Variants in ARID1B observed in about 807,000 individuals in gnomAD.
ARID1B encodes the protein AT-rich interactive domain-containing protein 1B.
Under a neutral mutation model 212.3 loss-of-function variants are expected in ARID1B, and 30 were observed. The ratio of observed to expected loss-of-function variants is 0.14; its 90% CI spans 0.11 to 0.19. ARID1B has a LOEUF of 0.19. ARID1B is among the 10% of genes least tolerant of loss of function. The pLI, the probability that ARID1B is intolerant of heterozygous loss-of-function variation, is 1.00. For synonymous variants in ARID1B, 1,402 were observed against 1,301.7 expected (o/e 1.08, Z -1.66); for missense variants, 2,891 against 3,204.0 (o/e 0.90, Z 2.36).
intron 4 of ARID1B, among the ~76,000 whole-genome samples, chr6:156,996,331 A>G (rs1263214170): frequency 6.6e-6 from 1 of 152,204 alleles, no homozygotes; most frequent in African/African-American, 2.4e-5. Context: ...GGGCAACCAG[A>G]TGGGACGGAG....
chr6:157,076,865 C>A (rs1784346657), intron 4 of ARID1B, among the ~76,000 whole-genome samples: 1 of 152,224 alleles, frequency 6.6e-6, no homozygotes, highest in African/African-American at 2.4e-5. Context: ...TCTCTCTCTT[C>A]CTCAGTGGTA....
chr6:156,908,369 T>C (rs1207510281), intron 3 of ARID1B, among the ~76,000 whole-genome samples: 1 of 152,240 alleles, frequency 6.6e-6, no homozygotes, highest in African/African-American at 2.4e-5. Context: ...TTTATTACTT[T>C]AATCTCTGTA....
intron 1 of ARID1B, among the ~76,000 whole-genome samples, chr6:156,809,691 G>T: frequency 7.4e-6 from 1 of 136,014 alleles, no homozygotes; most frequent in South Asian, 2.6e-4. Flanking sequence ...TCAAGAGCAT[G>T]TGAAGATTTG....
intron 4 of ARID1B, among the ~76,000 whole-genome samples, chr6:156,951,751 A>C (rs1793606785): frequency 6.6e-6 from 1 of 152,136 alleles, no homozygotes; most frequent in African/African-American, 2.4e-5. Flanking sequence ...CCAACACTTC[A>C]TTTCTTAAGA....
Position 157,190,015 on chromosome 6 carries a change from T to C in ARID1B, c.4059-23T>C, listed in dbSNP as rs753854803. On this transcript the variant is annotated intron_variant, in intron 14 of 19. Transcript: ENST00000636930. The surrounding 1 kb of genome is among the most constrained non-coding windows in gnomAD (Gnocchi z 4.6). ...GGTAACTCCTGCTGTATCATTAAGC[T>C]TTCATTCTTTGCCTCTCTTCAGAAG... The C allele has an allele frequency of 6.2e-7, 1 of 1,611,686 alleles. No individual in the cohort carries two copies. Among genetic ancestry groups the C allele is most frequent in the Non-Finnish European group, 8.5e-7 (1 of 1,178,716 alleles).
Position 157,167,993 on chromosome 6 carries a change from T to A in ARID1B, c.3235+808T>A, listed in dbSNP as rs1791449851. On this transcript the variant is annotated intron_variant, in intron 9 of 19. Transcript: ENST00000636930. Reference sequence around the variant, plus strand: ...TGGATCTCACGGGAGGATTCCCTCCTTCAGAGACTGCAGGGCGTGGCTTAG... The same window carrying A: ...TGGATCTCACGGGAGGATTCCCTCCATCAGAGACTGCAGGGCGTGGCTTAG... 4 of 152,388 alleles carry A rather than the reference T, an allele frequency of 2.6e-5. No individual in the cohort carries two copies. The South Asian group carries it at 8.3e-4, about 32-fold the overall frequency. 9.4% of individuals were successfully genotyped at this position (152,388 alleles called of 1,614,324 possible).
intron 5 of ARID1B, among the ~76,000 whole-genome samples, chr6:157,095,952 G>A (rs920472343): frequency 5.3e-5 from 8 of 152,144 alleles, no homozygotes; most frequent in African/African-American, 1.9e-4. Flanking sequence ...CTTAGAAGCC[G>A]ACGGAGGAAC....
intron 4 of ARID1B, among the ~76,000 whole-genome samples, chr6:157,052,595 C>A (rs1287017770): frequency 6.6e-6 from 1 of 152,208 alleles, no homozygotes; most frequent in Non-Finnish European, 1.5e-5. Flanking sequence ...TACAGAATAT[C>A]TTGTAAAGCA....
At chr6:156,969,892 CTTTTTTT>C (rs201337033) in intron 4 of ARID1B, among the ~76,000 whole-genome samples, 1 of 134,510 alleles carries the variant, frequency 7.4e-6, no homozygotes, top group South Asian at 2.4e-4. Flanking sequence ...TTATATAATG[CTTTTTTT>C]TTTTTTTTTT....
chr6:157,000,696 CTTTTT>C (rs10536002), intron 4 of ARID1B, among the ~76,000 whole-genome samples: 1 of 99,226 alleles, frequency 1.0e-5, no homozygotes, highest in Non-Finnish European at 1.9e-5. Flanking sequence ...TCTAATTATT[CTTTTT>C]TTTTTTTTTT....
intron 4 of ARID1B, among the ~76,000 whole-genome samples, chr6:157,013,792 AG>A (rs1779750827): frequency 6.6e-6 from 1 of 152,204 alleles, no homozygotes; most frequent in African/African-American, 2.4e-5. Context: ...ATTCAGCGGC[AG>A]GCCTGAACAG....
chr6:156,976,082 G>A (rs1245581069), intron 4 of ARID1B, among the ~76,000 whole-genome samples: 2 of 152,018 alleles, frequency 1.3e-5, no homozygotes, highest in African/African-American at 2.4e-5. Flanking sequence ...GGGCTGGGAG[G>A]GGGTGTATTG....
intron 5 of ARID1B, among the ~76,000 whole-genome samples, chr6:157,089,243 T>C (rs886689115): frequency 6.6e-6 from 1 of 152,202 alleles, no homozygotes; most frequent in African/African-American, 2.4e-5. Flanking sequence ...TAAATGTAAT[T>C]GACAGCTAAT....
rs190221940 is a variant in ARID1B, at chr6:157,049,028, G to A, written c.2248-35634G>A. On this transcript the variant is annotated intron_variant, in intron 4 of 19. Transcript: ENST00000636930. ...ATCTCTACTAAAAATACAAAAATCA[G>A]CCAGGCGTGGTGGTGGGCAGCTGTC... Among the ~76,000 whole-genome samples, 426 of 152,200 alleles carry A rather than the reference G, an allele frequency of 2.8e-3. 3 individuals carry two copies. The highest frequency in any genetic ancestry group is 4.0e-3 in the Non-Finnish European group (270 of 68,008).
At chr6:156,808,907 C>CG (rs1781369156) in intron 1 of ARID1B, among the ~76,000 whole-genome samples, 1 of 152,166 alleles carries the variant, frequency 6.6e-6, no homozygotes, top group South Asian at 2.1e-4. Flanking sequence ...GGAGAAATGT[C>CG]TTAAGATTTG....
chr6:157,149,249 AG>A (rs1790026465), intron 8 of ARID1B: 2 of 376,036 alleles, frequency 5.3e-6, no homozygotes, highest in East Asian at 8.3e-5. Context: ...CTGGTTGCAC[AG>A]GGAAGTGTCT....
chr6:156,838,735 A>AATAATAAG (rs1783687280), intron 2 of ARID1B, among the ~76,000 whole-genome samples: 4 of 79,472 alleles, frequency 5.0e-5, no homozygotes, highest in African/African-American at 1.6e-4. Context: ...ATAATAATAA[A>AATAATAAG]CAAAAAAAAC....
intron 4 of ARID1B, among the ~76,000 whole-genome samples, chr6:157,074,318 C>T (rs62424325): frequency 0.043 from 6,542 of 152,198 alleles, 166 homozygotes; most frequent in Non-Finnish European, 0.056. Context: ...CCTCAGCCTC[C>T]GGGGTTCAAG....
At chr6:156,883,057 G>A (rs4869899) in intron 2 of ARID1B, among the ~76,000 whole-genome samples, 42,736 of 152,096 alleles carry the variant, frequency 0.28, 6,175 homozygotes, top group Non-Finnish European at 0.33. Context: ...ACTGCCTTAG[G>A]TTTCTTCTGG....
Sources: gnomAD v4.1 joint callset for allele counts (sites outside exome capture counted in the v4.1 genomes callset) on GRCh38, gnomAD v4.1.1 for gene constraint, Gnocchi (gnomAD v3.1) non-coding constraint, MANE v1.5 for transcripts, NCBI Gene and HGNC (gene_info 2026-07-23, HGNC 2026-07-21) for gene names.